The following ZNF814 variants were observed in gnomAD, a reference collection of about 807,000 sequenced individuals.
ZNF814 encodes the protein zinc finger protein 814.
In ZNF814, 5 loss-of-function variants were observed where a neutral mutation model predicts 7.5. That is an observed-to-expected ratio of 0.67 (90% CI 0.35 to 1.40). ZNF814 has a LOEUF of 1.40. ZNF814 is among the 40% of genes most tolerant of loss of function. ZNF814 has a pLI of 0.04. For synonymous variants in ZNF814, 315 were observed against 340.7 expected, an observed-to-expected ratio of 0.92 and a Z score of 0.83; for missense variants, 962 against 1,018.0, an observed-to-expected ratio of 0.94 and a Z score of 0.75.
At position 57,873,057 on chromosome 19, in the gene ZNF814, C is replaced by G; in HGVS notation, c.2333G>C (p.Gly778Ala). Residue 778 changes from glycine to alanine, a missense_variant, in exon 3 of 3, where the codon GGA becomes GCA. Physicochemically the swap from Gly to Ala is moderately conservative, Grantham distance 60. Around this residue, in one of 7 missense-constraint regions of ZNF814, gnomAD observed 665 missense variants for 551.4 expected, o/e 1.21. Coordinates refer to ENST00000435989, the MANE Select transcript of ZNF814 (RefSeq NM_001144989.2). ...ACTGGAGCTTTCAGCGAAAGATTTT[C>G]CACATTCACTGCACTCATAAGGCTT... ...GEKPYECSEC[G>A]KSFAESSSFT... 1.2e-6 allele frequency: 2 copies of G among 1,613,916 alleles called. No individual in the cohort carries two copies.
Position 57,874,183 on chromosome 19 carries a change from T to C in ZNF814, c.1207A>G (p.Thr403Ala), listed in dbSNP as rs1455334537. The change falls in exon 3 of 3, where the codon ACT becomes GCT. Residue 403 changes from threonine (T) to alanine (A), a missense_variant. Thr to Ala is a moderately conservative substitution (Grantham distance 58). Transcript: ENST00000435989. ...ASFSNHQRVH[T>A]DKKHYECGEC... ...CCACATTCATAATGTTTTTTGTCAG[T>C]GTGAACTCTCTGATGATTACTGAAG... 1 of 1,583,210 alleles carries C rather than the reference T, an allele frequency of 6.3e-7. No individual in the cohort carries two copies. Among genetic ancestry groups the C allele is most frequent in the Admixed American group, 1.8e-5 (1 of 54,920 alleles).
chr19:57,887,193 A>G (rs1260690060), intron 1 of ZNF814, among the ~76,000 whole-genome samples: 1 of 152,236 alleles, frequency 6.6e-6, no homozygotes, highest in Admixed American at 6.5e-5. Context: ...CGTCTCAAGA[A>G]AACAAAACAA....
At chr19:57,883,291 C>T (rs533512440) in intron 1 of ZNF814, among the ~76,000 whole-genome samples, 2 of 148,898 alleles carry the variant, frequency 1.3e-5, no homozygotes, top group South Asian at 2.1e-4. Flanking sequence ...CCCAGGGGGG[C>T]AGAGCCTACA....
the ZNF814 span, among the ~76,000 whole-genome samples, chr19:57,902,783 C>T: frequency 6.6e-6 from 1 of 151,968 alleles, no homozygotes; most frequent in East Asian, 1.9e-4. Flanking sequence ...GCCTCAGCCT[C>T]CCGAGTAGCT....
upstream of ZNF814, among the ~76,000 whole-genome samples, chr19:57,893,385 G>C (rs1019734113): frequency 1.3e-5 from 2 of 151,800 alleles, no homozygotes; most frequent in African/African-American, 4.8e-5. Flanking sequence ...TGTTGGCCAG[G>C]CTGGTCTCCA....
At chr19:57,878,903 A>G (rs905309413) in intron 1 of ZNF814, among the ~76,000 whole-genome samples, 1 of 152,116 alleles carries the variant, frequency 6.6e-6, no homozygotes, top group Admixed American at 6.6e-5. Context: ...CTTTTTCTAC[A>G]TACATGCACA....
chr19:57,894,673 C>CA, the ZNF814 span, among the ~76,000 whole-genome samples: 267 of 144,040 alleles, frequency 1.9e-3, 1 homozygote, highest in African/African-American at 5.9e-3. Flanking sequence ...ACTAAAAATA[C>CA]AAAAAAAAAA....
chr19:57,877,032 G>T lies in ZNF814; in HGVS notation c.47C>A (p.Thr16Asn), dbSNP rs779231279. The change falls in exon 2 of 3, where the codon ACT becomes AAT. Residue 16 changes from threonine (T) to asparagine (N), a missense_variant. Around this residue, in one of 7 missense-constraint regions of ZNF814, gnomAD observed 63 missense variants for 65.0 expected, o/e 0.97. Transcript: ENST00000435989. ...TLRLSAQGTVTFEDVAVNFTW... is the reference protein window; with the variant it reads ...TLRLSAQGTVNFEDVAVNFTW... ...AAAGTTCACAGCCACATCTTCAAAA[G>T]TCACTGTGCCCTGTTATGATGTTGA... The T allele has an allele frequency of 6.2e-7, 1 of 1,613,962 alleles. No individual in the cohort carries two copies. The highest frequency in any genetic ancestry group is 1.3e-5 in the African/African-American group (1 of 74,896).
Position 57,872,535 on chromosome 19 carries a change from C to A in ZNF814, c.*287G>T. On this transcript the variant is annotated 3_prime_UTR_variant, in exon 3 of 3. Coordinates refer to ENST00000435989, the MANE Select transcript of ZNF814 (RefSeq NM_001144989.2). The stretch of plus-strand genomic sequence containing the variant: ...CTCTCTGATATTCAAGGAGAAAAGA[C>A]CTTCAGGTAACTTTTTTCCCACATT... The A allele has an allele frequency of 2.8e-6, 2 of 708,610 alleles. No individual in the cohort carries two copies. Among genetic ancestry groups the A allele is most frequent in the African/African-American group, 1.8e-5 (1 of 56,378 alleles). The allele number at this position is 708,610 out of a possible 1,614,324, so 43.9% of individuals were successfully genotyped here. A position where few individuals can be genotyped will look rare whatever the true frequency, so the allele number is the denominator to read the frequency against.
At chr19:57,895,317 C>T in the ZNF814 span, among the ~76,000 whole-genome samples, 36 of 151,286 alleles carry the variant, frequency 2.4e-4, no homozygotes, top group Non-Finnish European at 4.9e-4. Flanking sequence ...ACTCTGTTGC[C>T]CAGGCTGGAG....
chr19:57,902,482 CA>C, the ZNF814 span, among the ~76,000 whole-genome samples: 1 of 152,214 alleles, frequency 6.6e-6, no homozygotes, highest in East Asian at 1.9e-4. Context: ...CAGGAACATT[CA>C]GGATTATGGA....
In ZNF814 at chr19:57,880,130, C is replaced by T. The variant is rs546791358; in HGVS notation, c.37-3088G>A. 6.4e-5 allele frequency among the ~76,000 whole-genome samples: 8 copies of T among 124,826 alleles called. No individual in the cohort carries two copies. The East Asian group carries it at 1.9e-3, about 29-fold the overall frequency. The allele number at this position is 124,826 out of a possible 152,430, so 81.9% of individuals were successfully genotyped here. On this transcript the variant is annotated intron_variant, in intron 1 of 2. Transcript: ENST00000435989. Reference sequence around the variant, plus strand: ...AAAAGCAAAAACAAAAAACCCCCAGCGTCATACCTGAAACCCTCTTGCATG... The same window carrying T: ...AAAAGCAAAAACAAAAAACCCCCAGTGTCATACCTGAAACCCTCTTGCATG...
Position 57,873,020 on chromosome 19 carries a change from G to A in ZNF814, c.2370C>T (p.His790=). Residue 790 remains histidine (H), a synonymous_variant, in exon 3 of 3, where the codon CAC becomes CAT. Transcript: ENST00000435989. Reference sequence around the variant, plus strand: ...GCTTTTCTCCAGTGTGAACTCTTTTGTGTTTTGTGAAACTGGAGCTTTCAG... The same window carrying A: ...GCTTTTCTCCAGTGTGAACTCTTTTATGTTTTGTGAAACTGGAGCTTTCAG... The part of the protein sequence containing the change: ...SFAESSSFTK[H]KRVHTGEKPY... 1 of 1,613,272 alleles carries A rather than the reference G, an allele frequency of 6.2e-7. No individual in the cohort carries two copies. Among genetic ancestry groups the A allele is most frequent in the South Asian group, 1.1e-5 (1 of 90,972 alleles).
chr19:57,898,354 A>G, the ZNF814 span, among the ~76,000 whole-genome samples: 1 of 152,246 alleles, frequency 6.6e-6, no homozygotes, highest in African/African-American at 2.4e-5. Flanking sequence ...TGATGAGAAA[A>G]GTGGGATATC....
intron 1 of ZNF814, among the ~76,000 whole-genome samples, chr19:57,880,522 G>GA (rs1203548002): frequency 1.3e-5 from 2 of 151,302 alleles, no homozygotes; most frequent in Non-Finnish European, 2.9e-5. Flanking sequence ...GTTTCCGGTT[G>GA]AAAGGACTGA....
Position 57,873,391 on chromosome 19 carries a change from T to C in ZNF814, c.1999A>G (p.Lys667Glu). The change falls in exon 3 of 3, where the codon AAA (lysine) becomes GAA (glutamate). Residue 667 changes from lysine to glutamate, a missense_variant. Physicochemically the swap from Lys to Glu is moderately conservative, Grantham distance 56 (BLOSUM62 1). Around this residue, in one of 7 missense-constraint regions of ZNF814, gnomAD observed 665 missense variants for 551.4 expected, o/e 1.21. Transcript: ENST00000435989. The part of the protein sequence containing the change: ...ERPFKCGECG[K>E]CFSHKGNLIL... ...AGGTTACCCTTGTGACTAAAACATT[T>C]CCCACATTCCCCACACTTAAAAGGT... 6.2e-7 allele frequency: 1 copy of C among 1,609,122 alleles called. No individual in the cohort carries two copies. The highest frequency in any genetic ancestry group is 2.2e-5 in the East Asian group (1 of 44,630).
In ZNF814 at chr19:57,874,919, A is replaced by T. The variant is rs769042539; in HGVS notation, c.471T>A (p.Phe157Leu). 1 of 1,613,242 alleles carries T rather than the reference A, an allele frequency of 6.2e-7. No homozygotes were observed. The highest frequency in any genetic ancestry group is 2.2e-5 in the East Asian group (1 of 44,880). ...ACACATGCAACTTACACCTCTTTGCAAACAACGCCTCCTCAACACTCCCTC... is the reference window on the plus strand; with the variant it reads ...ACACATGCAACTTACACCTCTTTGCTAACAACGCCTCCTCAACACTCCCTC... Reference protein sequence around the residue: ...PYRGSVEEALFAKRCKLHVSG... With the variant: ...PYRGSVEEALLAKRCKLHVSG... Residue 157 changes from phenylalanine to leucine, a missense_variant, in exon 3 of 3, where the codon TTT (phenylalanine) becomes TTA (leucine). This residue lies in a region of ZNF814 where 65 missense variants were observed against 131.3 expected (regional missense o/e 0.50). Coordinates refer to ENST00000435989, the MANE Select transcript of ZNF814 (RefSeq NM_001144989.2).
rs2071538435 is a variant in ZNF814, at chr19:57,869,569, T to C, written c.*3253A>G. The C allele has an allele frequency of 6.6e-6, 1 of 152,178 alleles. No homozygotes were observed. The highest frequency in any genetic ancestry group is 1.5e-5 in the Non-Finnish European group (1 of 68,034). 9.4% of individuals were successfully genotyped at this position (152,178 alleles called of 1,614,324 possible). On this transcript the variant is annotated 3_prime_UTR_variant, in exon 3 of 3. Transcript: ENST00000435989. ...CTATGTTAATGGTTTCATGGGATTATATGAAACTCAAGATTTATCACATGC... is the reference window on the plus strand; with the variant it reads ...CTATGTTAATGGTTTCATGGGATTACATGAAACTCAAGATTTATCACATGC...
chr19:57,870,751 G>A lies in ZNF814; in HGVS notation c.*2071C>T, dbSNP rs1272644202. The A allele has an allele frequency of 6.6e-6, 1 of 152,172 alleles. No homozygotes were observed. The highest frequency in any genetic ancestry group is 6.6e-5 in the Admixed American group (1 of 15,264). 9.4% of individuals were successfully genotyped at this position (152,172 alleles called of 1,614,324 possible). A position where few individuals can be genotyped will look rare whatever the true frequency, so the allele number is the denominator to read the frequency against. ...AATCCCAGGACTTTGGGAGGCTGAG[G>A]CCAGCAGATCACAAGGTCAGGAGTT... is the stretch of plus-strand genomic sequence containing the variant. On this transcript the variant is annotated 3_prime_UTR_variant, in exon 3 of 3. Transcript: ENST00000435989.
Sources: allele counts gnomAD v4.1 joint callset (sites outside exome capture counted in the v4.1 genomes callset), GRCh38; gene constraint gnomAD v4.1.1; regional missense constraint gnomAD v4.1.1; transcripts MANE v1.5; gene names NCBI Gene and HGNC (gene_info 2026-07-23, HGNC 2026-07-21).